Variants in GRM8 observed in about 807,000 individuals in gnomAD.
The protein encoded by GRM8 is glutamate metabotropic receptor 8.
In GRM8, 47 loss-of-function variants were observed where a neutral mutation model predicts 87.2. That is an observed-to-expected ratio of 0.54 (90% CI 0.43 to 0.69). GRM8 has a LOEUF of 0.69. Among genes scored for constraint, GRM8 ranks in the 30% least tolerant of loss-of-function variants. The probability of loss-of-function intolerance (pLI) is 0.00; values close to 1 mark genes in which losing one functional copy is unlikely to be tolerated. For missense variants in GRM8, 1,019 were observed against 1,139.2 expected (o/e 0.89, Z 1.52); for synonymous variants, 396 against 404.5 (o/e 0.98, Z 0.25).
At chr7:126,610,073 C>CCCATATCA (rs1798767663) in intron 7 of GRM8, among the ~76,000 whole-genome samples, 1 of 152,216 alleles carries the variant, frequency 6.6e-6, no homozygotes, top group Non-Finnish European at 1.5e-5. Context: ...AGTCCCAACT[C>CCCATATCA]TGCCCAGATC....
At chr7:127,240,161 G>A (rs1230530401) in intron 2 of GRM8, among the ~76,000 whole-genome samples, 1 of 152,052 alleles carries the variant, frequency 6.6e-6, no homozygotes, top group Non-Finnish European at 1.5e-5. Flanking sequence ...AGTCAGATGG[G>A]GTCCCTCCAG....
intron 2 of GRM8, among the ~76,000 whole-genome samples, chr7:127,199,291 C>T (rs766286611): frequency 2.0e-5 from 3 of 152,200 alleles, no homozygotes; most frequent in Non-Finnish European, 2.9e-5. Context: ...TGTTTAAAGA[C>T]GATTGCTAAT....
rs147162931 is a variant in GRM8 at position 126,815,847 on chromosome 7, C to T, written c.1157-45782G>A. 2.0e-5 allele frequency among the ~76,000 whole-genome samples: 3 copies of T among 152,108 alleles called. No homozygotes were observed. The East Asian group carries it at 5.8e-4, about 29-fold the overall frequency. ...CAGCCACTCTCTTATCAGATGATAG[C>T]CATGATGATAACACAACAAAAAGGT... On this transcript the variant is annotated intron_variant, in intron 6 of 10. Transcript: ENST00000339582.
rs530269537 is a variant in GRM8 at position 126,968,211 on chromosome 7, T to C, written c.728-63528A>G. Reference sequence around the variant, plus strand: ...TTATCTATTAAACAACTCAGAAGTATGTAAATGCTCTTAAAATGAAAAGAA... The same window carrying C: ...TTATCTATTAAACAACTCAGAAGTACGTAAATGCTCTTAAAATGAAAAGAA... On this transcript the variant is annotated intron_variant, in intron 3 of 10. Coordinates refer to ENST00000339582, the MANE Select transcript of GRM8 (RefSeq NM_000845.3). 2.3e-3 allele frequency among the ~76,000 whole-genome samples: 355 copies of C among 152,322 alleles called. 7 individuals are homozygous for C. The highest frequency in any genetic ancestry group is 0.01 in the Middle Eastern group (3 of 294).
At chr7:126,723,740 C>T (rs1428616895) in intron 7 of GRM8, among the ~76,000 whole-genome samples, 1 of 152,122 alleles carries the variant, frequency 6.6e-6, no homozygotes, top group East Asian at 1.9e-4. Flanking sequence ...GAGAATTTTA[C>T]AATTAGCTAC....
At chr7:126,821,018 C>A (rs1794245870) in intron 6 of GRM8, among the ~76,000 whole-genome samples, 1 of 152,192 alleles carries the variant, frequency 6.6e-6, no homozygotes, top group South Asian at 2.1e-4. Flanking sequence ...AGAAGAACTG[C>A]TTGAACCTGG....
At chr7:126,496,917 T>C (rs1808835280) in intron 9 of GRM8, among the ~76,000 whole-genome samples, 1 of 151,876 alleles carries the variant, frequency 6.6e-6, no homozygotes, top group African/African-American at 2.4e-5. Context: ...TATACCTCTT[T>C]ATGTACTGAA....
chr7:126,683,046 C>G (rs1176608034), intron 7 of GRM8, among the ~76,000 whole-genome samples: 1 of 151,834 alleles, frequency 6.6e-6, no homozygotes, highest in Non-Finnish European at 1.5e-5. Flanking sequence ...AAGAATCTGT[C>G]TCAAAAAAAA....
At chr7:126,905,779 C>T (rs1039804285) in intron 3 of GRM8, among the ~76,000 whole-genome samples, 2 of 151,956 alleles carry the variant, frequency 1.3e-5, no homozygotes, top group African/African-American at 4.8e-5. Flanking sequence ...AATAGGATAC[C>T]CAATACAATC....
At chr7:126,775,494 T>TTG (rs1289578234) in intron 6 of GRM8, among the ~76,000 whole-genome samples, 12 of 149,944 alleles carry the variant, frequency 8.0e-5, no homozygotes, top group African/African-American at 3.0e-4. Context: ...TTTTTTTTTT[T>TTG]TTTTTTTTTT....
intron 3 of GRM8, among the ~76,000 whole-genome samples, chr7:126,971,310 T>A (rs573241320): frequency 2.0e-5 from 3 of 152,182 alleles, no homozygotes; most frequent in Admixed American, 1.3e-4. Flanking sequence ...GTGGTAACAA[T>A]GTTAAAAACA....
At chr7:126,941,291 C>T (rs996747075) in intron 3 of GRM8, among the ~76,000 whole-genome samples, 4 of 151,950 alleles carry the variant, frequency 2.6e-5, no homozygotes, top group African/African-American at 7.3e-5. Context: ...AAATCCCTTC[C>T]TAGAAATAAA....
rs3993578 is a variant in GRM8, at chr7:127,165,141, G to GATATATAT, written c.511-58437_511-58430dup. On this transcript the variant is annotated intron_variant, in intron 2 of 10. Transcript: ENST00000339582. ...GAGGCAGATAATAAACATGTAAACAGATATATATATATATATATATATATA... is the reference window on the plus strand; with the variant it reads ...GAGGCAGATAATAAACATGTAAACAGATATATATATATATATATATATATATATATATA... Among the ~76,000 whole-genome samples, 17 of 67,424 alleles carry GATATATAT rather than the reference G, an allele frequency of 2.5e-4. 2 individuals are homozygous for GATATATAT. The highest frequency in any genetic ancestry group is 4.8e-4 in the Non-Finnish European group (14 of 28,950). The allele number at this position is 67,424 out of a possible 152,430, so 44.2% of individuals were successfully genotyped here.
In GRM8 at chr7:126,907,203, A is replaced by AAGGAGGAGGAAGAGATGGAGG. The variant is rs1489917862; in HGVS notation, c.728-2541_728-2521dup. ...AAATGGAAGGAGGAGGAGCAGATGG[A>AAGGAGGAGGAAGAGATGGAGG]AGGAGGAGGAAGAGATGGAGGAGGA... On this transcript the variant is annotated intron_variant, in intron 3 of 10. Coordinates refer to ENST00000339582, the MANE Select transcript of GRM8 (RefSeq NM_000845.3). 4.0e-5 allele frequency among the ~76,000 whole-genome samples: 6 copies of AAGGAGGAGGAAGAGATGGAGG among 148,644 alleles called. 1 individual carries two copies. The highest frequency in any genetic ancestry group is 2.2e-4 in the South Asian group (1 of 4,556).
At chr7:126,912,691 T>C (rs1563310357) in intron 3 of GRM8, among the ~76,000 whole-genome samples, 2 of 152,150 alleles carry the variant, frequency 1.3e-5, no homozygotes, top group Admixed American at 1.3e-4. Flanking sequence ...CTCCCAGAAA[T>C]AGGAATAACA....
chr7:126,623,924 C>G (rs2080182981), intron 7 of GRM8, among the ~76,000 whole-genome samples: 1 of 151,922 alleles, frequency 6.6e-6, no homozygotes, highest in Admixed American at 6.6e-5. Flanking sequence ...GCCTGGGTGA[C>G]AGAGAGAGAA....
At chr7:126,938,581 T>C (rs1433836723) in intron 3 of GRM8, among the ~76,000 whole-genome samples, 2 of 152,166 alleles carry the variant, frequency 1.3e-5, no homozygotes, top group African/African-American at 4.8e-5. Flanking sequence ...GTAAGTGCAT[T>C]AAAATCCAGC....
intron 6 of GRM8, among the ~76,000 whole-genome samples, chr7:126,826,560 T>A (rs1469590435): frequency 6.6e-6 from 1 of 152,146 alleles, no homozygotes; most frequent in Non-Finnish European, 1.5e-5. Flanking sequence ...CAATTTTTGA[T>A]GGGGTTGTTT....
At chr7:126,878,857 T>C (rs1416936049) in intron 6 of GRM8, among the ~76,000 whole-genome samples, 2 of 151,792 alleles carry the variant, frequency 1.3e-5, no homozygotes, top group Non-Finnish European at 2.9e-5. Flanking sequence ...ACTTGCCCTT[T>C]TTATTGTTTA....
Sources: gnomAD v4.1 joint callset for allele counts (sites outside exome capture counted in the v4.1 genomes callset) on GRCh38, gnomAD v4.1.1 for gene constraint, MANE v1.5 for transcripts, NCBI Gene and HGNC (gene_info 2026-07-23, HGNC 2026-07-21) for gene names.